Variants in TIMM17A observed in about 807,000 individuals in gnomAD.
TIMM17A encodes translocase of inner mitochondrial membrane 17A, also known as mitochondrial import inner membrane translocase subunit Tim17-A.
A neutral mutation model predicts 26.5 loss-of-function variants in TIMM17A; 15 were observed. The observed-to-expected ratio is 0.57, with a 90% CI of 0.38 to 0.87. The LOEUF (loss-of-function observed/expected upper bound fraction) is 0.87, where lower values mean the gene tolerates loss of function less well. Ranked by LOEUF, TIMM17A falls within the 40% of genes least tolerant of loss-of-function variation. The pLI, the probability that TIMM17A is intolerant of heterozygous loss-of-function variation, is 0.00. For missense variants in TIMM17A, 201 were observed against 210.0 expected (o/e 0.96, Z 0.27); for synonymous variants, 80 against 70.8 (o/e 1.13, Z -0.66).
intron 3 of TIMM17A, among the ~76,000 whole-genome samples, chr1:201,960,118 G>A (rs1039881573): frequency 2.0e-5 from 3 of 151,946 alleles, no homozygotes; most frequent in African/African-American, 4.8e-5. Context: ...GTAATGTGTC[G>A]GCCGGGCACA....
intron 5 of TIMM17A, among the ~76,000 whole-genome samples, chr1:201,968,220 C>G: frequency 6.6e-6 from 1 of 151,256 alleles, no homozygotes; most frequent in East Asian, 2.0e-4. Context: ...TCAGGCTGGT[C>G]TCGAACTCCT....
At chr1:201,957,678 T>A in intron 3 of TIMM17A, 104 bp downstream of exon 3, 1 of 971,238 alleles carries the variant, frequency 1.0e-6, no homozygotes, top group Non-Finnish European at 1.6e-6. Flanking sequence ...TAGTTTGGTC[T>A]AACGGTTTGT....
intron 4 of TIMM17A, among the ~76,000 whole-genome samples, chr1:201,964,310 T>A (rs1682584412): frequency 6.6e-6 from 1 of 152,214 alleles, no homozygotes; most frequent in African/African-American, 2.4e-5. Context: ...CTTTTTATGC[T>A]ATAATTTCTT....
intron 3 of TIMM17A, among the ~76,000 whole-genome samples, chr1:201,958,710 A>G (rs1682472049): frequency 6.6e-6 from 1 of 152,228 alleles, no homozygotes. Flanking sequence ...ACAAAAACAA[A>G]CAACACAAGG....
chr1:201,966,341 G>A (rs960291963), intron 5 of TIMM17A, among the ~76,000 whole-genome samples: 5 of 151,900 alleles, frequency 3.3e-5, no homozygotes, highest in South Asian at 4.2e-4. Context: ...TAGGCTGGTC[G>A]ATGGAGCGAG....
intron 3 of TIMM17A, chr1:201,957,949 C>T (rs998679237): frequency 2.9e-5 from 5 of 169,778 alleles, no homozygotes; most frequent in Non-Finnish European, 5.0e-5. Flanking sequence ...ACCAGCCTGA[C>T]CAACATGGAG....
chr1:201,958,754 A>C (rs888016284), intron 3 of TIMM17A, among the ~76,000 whole-genome samples: 2 of 152,212 alleles, frequency 1.3e-5, no homozygotes, highest in African/African-American at 4.8e-5. Context: ...TATATAAGAC[A>C]TGAAAAAATC....
intron 3 of TIMM17A, among the ~76,000 whole-genome samples, chr1:201,958,289 G>A (rs1571603060): frequency 6.6e-6 from 1 of 152,336 alleles, no homozygotes; most frequent in East Asian, 1.9e-4. Context: ...TTGGGACATT[G>A]TGCAGAGGTC....
chr1:201,967,474 T>C (rs1349841161), intron 5 of TIMM17A, among the ~76,000 whole-genome samples: 1 of 151,992 alleles, frequency 6.6e-6, no homozygotes, highest in African/African-American at 2.4e-5. Context: ...AAATTAGCCT[T>C]GAGTACTTTG....
chr1:201,967,773 C>T (rs1682662071), intron 5 of TIMM17A, among the ~76,000 whole-genome samples: 1 of 151,970 alleles, frequency 6.6e-6, no homozygotes, highest in Admixed American at 6.6e-5. Flanking sequence ...TGGGCTCAAG[C>T]GATCCTCCCT....
rs538101545 is a variant in TIMM17A at position 201,962,675 on chromosome 1, G to A, written c.191-941G>A. The stretch of plus-strand genomic sequence containing the variant: ...GTTTTTGTATTTAGATAGAGTTTAA[G>A]TGCAAAGTAATCTGCTGATTTAAGG... On this transcript the variant is annotated intron_variant, in intron 3 of 5. Coordinates refer to ENST00000367287, the MANE Select transcript of TIMM17A (RefSeq NM_006335.3). The A allele has an allele frequency of 2.0e-5, 3 of 152,288 alleles. No homozygotes were observed. In the East Asian group the frequency reaches 5.8e-4, roughly 29 times the overall value. 9.4% of individuals were successfully genotyped at this position (152,288 alleles called of 1,614,324 possible).
chr1:201,960,460 T>C (rs891251867), intron 3 of TIMM17A, among the ~76,000 whole-genome samples: 4 of 152,110 alleles, frequency 2.6e-5, no homozygotes, highest in African/African-American at 9.7e-5. Context: ...TGCTCCATGC[T>C]AATGTAGATG....
intron 3 of TIMM17A, among the ~76,000 whole-genome samples, chr1:201,960,904 A>G (rs1251083892): frequency 6.6e-6 from 1 of 151,892 alleles, no homozygotes; most frequent in African/African-American, 2.4e-5. Context: ...ATGCGCCACC[A>G]CAGCCGGGAT....
At chr1:201,968,983 G>T (rs1571608840) in intron 5 of TIMM17A, among the ~76,000 whole-genome samples, 4 of 151,946 alleles carry the variant, frequency 2.6e-5, no homozygotes, top group Admixed American at 2.6e-4. Flanking sequence ...AAGCTAGGGG[G>T]TGTCTTCCCA....
intron 5 of TIMM17A, 134 bp from the exon 6 acceptor site, chr1:201,969,335 A>G (rs1271524872): frequency 1.4e-6 from 1 of 694,226 alleles, no homozygotes. Context: ...CAGATCTATA[A>G]AGAAATTTAG....
chr1:201,966,991 T>TTGTGTGTGTGTGTGTGTGTG (rs759557626), intron 5 of TIMM17A, among the ~76,000 whole-genome samples: 32 of 133,092 alleles, frequency 2.4e-4, no homozygotes, highest in South Asian at 7.2e-4. Context: ...ATTATATATG[T>TTGTGTGTGTGTGTGTGTGTG]TGTGTGTGTG....
chr1:201,969,123 G>A (rs1362716185), intron 5 of TIMM17A, among the ~76,000 whole-genome samples: 1 of 152,106 alleles, frequency 6.6e-6, no homozygotes, highest in East Asian at 1.9e-4. Context: ...ACAAGAAGTG[G>A]GAGAAACTCT....
In TIMM17A at chr1:201,957,322, T is replaced by C. The variant is rs1413198162; in HGVS notation, c.68T>C (p.Met23Thr). 1 of 1,614,068 alleles carries C rather than the reference T, an allele frequency of 6.2e-7. No individual in the cohort carries two copies. Among genetic ancestry groups the C allele is most frequent in the Admixed American group, 1.7e-5 (1 of 60,016 alleles). Reference protein sequence around the residue: ...IVDDCGGAFTMGTIGGGIFQA... With the variant: ...IVDDCGGAFTTGTIGGGIFQA... ...GATGACTGTGGTGGGGCCTTTACGA[T>C]GGGTACCATTGGTGGTGGTATCTTT... The change falls in exon 2 of 6, where the codon ATG becomes ACG. Residue 23 changes from methionine to threonine, a missense_variant. Met to Thr is a moderately conservative substitution (Grantham distance 81). Transcript: ENST00000367287.
chr1:201,957,772 C>G, intron 3 of TIMM17A, 198 bp downstream of exon 3: 1 of 502,832 alleles, frequency 2.0e-6, no homozygotes, highest in Non-Finnish European at 3.5e-6. Context: ...ATTTGAAAAT[C>G]TTGTCTCTGT....
Sources: gnomAD v4.1 joint callset for allele counts (sites outside exome capture counted in the v4.1 genomes callset) on GRCh38, gnomAD v4.1.1 for gene constraint, MANE v1.5 for transcripts, NCBI Gene and HGNC (gene_info 2026-07-23, HGNC 2026-07-21) for gene names.